LAMB1: variants seen among roughly 807,000 people sequenced by gnomAD.
LAMB1 encodes the protein laminin subunit beta 1, also known as laminin subunit beta-1.
In LAMB1, 121 loss-of-function variants were observed where a neutral mutation model predicts 222.3. That is an observed-to-expected ratio of 0.54 (90% CI 0.47 to 0.63). The LOEUF is 0.63. LAMB1 is among the 30% of genes least tolerant of loss of function. The pLI is 0.00. For missense variants in LAMB1, 2,172 were observed against 2,240.8 expected (o/e 0.97, Z 0.62); for synonymous variants, 794 against 807.2 (o/e 0.98, Z 0.28).
chr7:107,997,149 C>T (rs1242677729), intron 4 of LAMB1, among the ~76,000 whole-genome samples: 2 of 152,268 alleles, frequency 1.3e-5, no homozygotes, highest in South Asian at 2.1e-4. Flanking sequence ...GATGGCTGGG[C>T]GTGGTGGTTC....
chr7:107,951,384 T>G lies in LAMB1; in HGVS notation c.3295-62A>C, dbSNP rs373661658. On this transcript the variant is annotated intron_variant, in intron 23 of 33. Transcript: ENST00000222399. ...CAGGCCAGAAGCCAGTTGTCATCTT[T>G]TTTTTCTAGCTGCCACTTAGAAGTA... 8.5e-5 allele frequency: 125 copies of G among 1,478,424 alleles called. 1 individual carries two copies. The African/African-American group carries it at 1.2e-3, about 14-fold the overall frequency. The allele number at this position is 1,478,424 out of a possible 1,614,324, so 91.6% of individuals were successfully genotyped here. A position where few individuals can be genotyped will look rare whatever the true frequency, so the allele number is the denominator to read the frequency against.
At chr7:107,998,879 A>G (rs77166241) in intron 3 of LAMB1, among the ~76,000 whole-genome samples, 347 of 152,376 alleles carry the variant, frequency 2.3e-3, no homozygotes, top group Non-Finnish European at 4.2e-3. Flanking sequence ...CAAACTAAAA[A>G]TGAAAGAAAA....
chr7:107,965,223 G>C (rs1187515753), intron 13 of LAMB1, among the ~76,000 whole-genome samples: 2 of 152,188 alleles, frequency 1.3e-5, no homozygotes, highest in East Asian at 3.8e-4. Context: ...ACCAAATTCT[G>C]TGATTTTTAC....
At position 107,978,123 on chromosome 7, in the gene LAMB1, G is replaced by C. The variant is rs2150441126; in HGVS notation, c.924C>G (p.Asn308Lys). 1 of 1,614,096 alleles carries C rather than the reference G, an allele frequency of 6.2e-7. No homozygotes were observed. The highest frequency in any genetic ancestry group is 8.5e-7 in the Non-Finnish European group (1 of 1,179,944). Reference sequence around the variant, plus strand: ...GGTAGAAATCCATGCAGAGTTCACAGTTTAAGCCCTTGGTGTTATGCCTGC... The same window carrying C: ...GGTAGAAATCCATGCAGAGTTCACACTTTAAGCCCTTGGTGTTATGCCTGC... Reference protein sequence around the residue: ...CMCRHNTKGLNCELCMDFYHD... With the variant: ...CMCRHNTKGLKCELCMDFYHD... The change falls in exon 9 of 34, where the codon AAC becomes AAG. Residue 308 changes from asparagine to lysine, a missense_variant. Transcript: ENST00000222399.
chr7:107,982,561 A>AC (rs1485575688), intron 7 of LAMB1, among the ~76,000 whole-genome samples: 2 of 151,308 alleles, frequency 1.3e-5, no homozygotes, highest in Non-Finnish European at 2.9e-5. Context: ...TTTCTCCTGC[A>AC]CAAATCCTCC....
rs151128093 is a variant in LAMB1 at position 107,959,319 on chromosome 7, C to G, written c.2620G>C (p.Asp874His). 2 of 1,614,234 alleles carry G rather than the reference C, an allele frequency of 1.2e-6. No individual in the cohort carries two copies. The highest frequency in any genetic ancestry group is 3.3e-5 in the Admixed American group (2 of 60,026). ...TCCCCAGTCACTGGGTCGCAGTCATCGGCGTGGCCATTGCACTGGCAGGGC... is the reference window on the plus strand; with the variant it reads ...TCCCCAGTCACTGGGTCGCAGTCATGGGCGTGGCCATTGCACTGGCAGGGC... ...CQPCQCNGHA[D>H]DCDPVTGECL... The change falls in exon 20 of 34, where the codon GAT (aspartate) becomes CAT (histidine). Residue 874 changes from aspartate to histidine, a missense_variant. Asp to His is a moderately conservative substitution (Grantham distance 81, BLOSUM62 -1). Transcript: ENST00000222399.
chr7:107,961,131 C>CA, intron 17 of LAMB1, 75 bp downstream of exon 17: 1 of 1,586,066 alleles, frequency 6.3e-7, no homozygotes, highest in African/African-American at 1.3e-5. Flanking sequence ...TACCCCTCAA[C>CA]AAAACACCCT....
chr7:107,934,423 A>T (rs1053083665), intron 27 of LAMB1, among the ~76,000 whole-genome samples: 11 of 152,158 alleles, frequency 7.2e-5, no homozygotes, highest in African/African-American at 2.7e-4. Context: ...TACCCTCCAA[A>T]TTATTTCACA....
At chr7:107,964,439 C>G in intron 14 of LAMB1, 113 bp downstream of exon 14, 4 of 1,228,870 alleles carry the variant, frequency 3.3e-6, no homozygotes, top group Non-Finnish European at 3.5e-6. Context: ...TTATTTTGTG[C>G]TCACTGACAA....
intron 24 of LAMB1, among the ~76,000 whole-genome samples, chr7:107,941,107 C>G (rs995259721): frequency 6.6e-6 from 1 of 152,206 alleles, no homozygotes; most frequent in Non-Finnish European, 1.5e-5. Context: ...GTCTCAGCGT[C>G]TCACAGGCCC....
At chr7:107,954,037 G>T (rs533927905) in intron 21 of LAMB1, among the ~76,000 whole-genome samples, 4 of 152,116 alleles carry the variant, frequency 2.6e-5, no homozygotes, top group Non-Finnish European at 5.9e-5. Context: ...AGGCCACAGC[G>T]GCTGTGGACA....
intron 9 of LAMB1, among the ~76,000 whole-genome samples, chr7:107,976,507 G>C (rs997780524): frequency 1.3e-5 from 2 of 152,220 alleles, no homozygotes; most frequent in Non-Finnish European, 2.9e-5. Flanking sequence ...CTCGCTCTCG[G>C]GCTTAACAAT....
At position 107,988,769 on chromosome 7, in the gene LAMB1, G is replaced by C. The variant is rs182674185; in HGVS notation, c.424-2406C>G. On this transcript the variant is annotated intron_variant, in intron 5 of 33. Coordinates refer to ENST00000222399, the MANE Select transcript of LAMB1 (RefSeq NM_002291.3). ...AGATGAGGACACACACATGCACAGA[G>C]GGAAGACCATGTGAAGACACAGGGA... Among the ~76,000 whole-genome samples, 3 of 152,312 alleles carry C rather than the reference G, an allele frequency of 2.0e-5. No homozygotes were observed. In the East Asian group the frequency reaches 5.8e-4, roughly 29 times the overall value.
intron 23 of LAMB1, among the ~76,000 whole-genome samples, 158 bp from the exon 24 acceptor site, chr7:107,951,480 C>T (rs546867084): frequency 2.6e-5 from 4 of 152,296 alleles, no homozygotes; most frequent in South Asian, 2.1e-4. Context: ...TCGTAGGTGT[C>T]GAGAGCCCCA....
At chr7:107,982,563 A>G (rs1184905705) in intron 7 of LAMB1, among the ~76,000 whole-genome samples, 3 of 151,386 alleles carry the variant, frequency 2.0e-5, no homozygotes, top group African/African-American at 7.4e-5. Context: ...TCTCCTGCAC[A>G]AATCCTCCTG....
intron 5 of LAMB1, among the ~76,000 whole-genome samples, chr7:107,988,333 C>T (rs2034118768): frequency 6.6e-6 from 1 of 152,136 alleles, no homozygotes; most frequent in Admixed American, 6.5e-5. Context: ...ACCCATCAGA[C>T]ACTTGGAAAA....
rs767266988 is a variant in LAMB1, at chr7:107,953,679, T to C, written c.2930A>G (p.Gln977Arg). The change falls in exon 22 of 34, where the codon CAG (glutamine) becomes CGG (arginine). Residue 977 changes from glutamine to arginine, a missense_variant. By Grantham distance (43) the Gln-to-Arg change is conservative (BLOSUM62 1). Coordinates refer to ENST00000222399, the MANE Select transcript of LAMB1 (RefSeq NM_002291.3). ...SEVGGSCQPC[Q>R]CHNNIDTTDP... ...TGTCGTGTCAATGTTGTTGTGACAC[T>C]GGCAAGGCTGACACGACCCCCCAAC... 2.5e-6 allele frequency: 4 copies of C among 1,614,158 alleles called. No individual in the cohort carries two copies. The highest frequency in any genetic ancestry group is 1.3e-5 in the African/African-American group (1 of 75,038).
intron 13 of LAMB1, among the ~76,000 whole-genome samples, chr7:107,972,037 T>C (rs1280085274): frequency 1.3e-5 from 2 of 152,222 alleles, no homozygotes; most frequent in African/African-American, 4.8e-5. Flanking sequence ...TCTGTCTTTC[T>C]TCCCTGCTTT....
intron 4 of LAMB1, 48 bp from the exon 5 acceptor site, chr7:107,995,008 G>C: frequency 1.9e-6 from 2 of 1,026,454 alleles, no homozygotes; most frequent in Non-Finnish European, 3.0e-6. Flanking sequence ...ACTGTAAATA[G>C]AAACATCTGT....
Sources: gnomAD v4.1 joint callset for allele counts (sites outside exome capture counted in the v4.1 genomes callset) on GRCh38, gnomAD v4.1.1 for gene constraint, MANE v1.5 for transcripts, NCBI Gene and HGNC (gene_info 2026-07-23, HGNC 2026-07-21) for gene names.